UBE2Q2: variants seen among roughly 807,000 people sequenced by gnomAD.
UBE2Q2 encodes the protein ubiquitin-conjugating enzyme E2 Q2.
Under a neutral mutation model 59.9 loss-of-function variants are expected in UBE2Q2, and 54 were observed. That is an observed-to-expected ratio of 0.90 (90% CI 0.72 to 1.13). UBE2Q2 has a LOEUF of 1.13. Among genes scored for constraint, UBE2Q2 ranks in the 50% most tolerant of loss-of-function variants. The probability of loss-of-function intolerance (pLI) is 0.00; values close to 1 mark genes in which losing one functional copy is unlikely to be tolerated. For missense variants in UBE2Q2, 433 were observed against 441.9 expected, an observed-to-expected ratio of 0.98 and a Z score of 0.18; for synonymous variants, 165 against 155.2, an observed-to-expected ratio of 1.06 and a Z score of -0.47.
At position 75,873,515 on chromosome 15, in the gene UBE2Q2, A is replaced by G. The variant is rs747839536; in HGVS notation, c.535A>G (p.Asn179Asp). Residue 179 changes from asparagine to aspartate, a missense_variant, in exon 5 of 13, where the codon AAT becomes GAT. Transcript: ENST00000267938. ...KSEDEGIEKENLAILEKIRKT... is the reference protein window; with the variant it reads ...KSEDEGIEKEDLAILEKIRKT... ...AGAGGATGAAGGAATTGAAAAAGAA[A>G]ATTTGGCAATATTAGAGAAAATTAG... is the stretch of plus-strand genomic sequence containing the variant. The G allele has an allele frequency of 1.2e-6, 2 of 1,613,994 alleles. No homozygotes were observed. Among genetic ancestry groups the G allele is most frequent in the Admixed American group, 3.3e-5 (2 of 60,014 alleles).
chr15:75,852,306 C>T lies in UBE2Q2; in HGVS notation c.181-2080C>T, dbSNP rs138764362. ...ACCGCCTTTATTTGTGCTAAAGTGC[C>T]AGCGTTTTTACCCACCATTGTATCT... On this transcript the variant is annotated intron_variant, in intron 1 of 12. Coordinates refer to ENST00000267938, the MANE Select transcript of UBE2Q2 (RefSeq NM_173469.4). 5.5e-4 allele frequency among the ~76,000 whole-genome samples: 83 copies of T among 152,248 alleles called. 1 individual carries two copies. Among genetic ancestry groups the T allele is most frequent in the African/African-American group, 1.9e-3 (77 of 41,542 alleles).
At chr15:75,854,725 T>G (rs1443651558) in intron 2 of UBE2Q2, among the ~76,000 whole-genome samples, 1 of 152,142 alleles carries the variant, frequency 6.6e-6, no homozygotes, top group Non-Finnish European at 1.5e-5. Flanking sequence ...TTTCCCTGAA[T>G]TCTAACCATT....
rs540271849 is a variant in UBE2Q2, at chr15:75,843,492, C to T, written c.-175C>T. ...AAGCGCCACCCAGGCCGCCACACGC[C>T]GAGGCTTCCGCGCCCCTCGCCATTT... On this transcript the variant is annotated 5_prime_UTR_variant, in exon 1 of 13. Transcript: ENST00000267938. 114 of 302,914 alleles carry T rather than the reference C, an allele frequency of 3.8e-4. 1 individual carries two copies. The highest frequency in any genetic ancestry group is 2.1e-3 in the African/African-American group (93 of 44,858). The allele number at this position is 302,914 out of a possible 1,614,324, so 18.8% of individuals were successfully genotyped here.
At chr15:75,894,594 C>T (rs985407861) in intron 11 of UBE2Q2, among the ~76,000 whole-genome samples, 2 of 151,786 alleles carry the variant, frequency 1.3e-5, no homozygotes, top group Non-Finnish European at 2.9e-5. Context: ...TTAAAAGAAC[C>T]TGAAGGAAAG....
At chr15:75,844,194 CG>C in intron 1 of UBE2Q2, 1 of 1,446,482 alleles carries the variant, frequency 6.9e-7, no homozygotes. Context: ...GGGACCGGGG[CG>C]GGGCGGGGCG....
intron 9 of UBE2Q2, among the ~76,000 whole-genome samples, chr15:75,884,821 G>A (rs1014635064): frequency 6.6e-6 from 1 of 151,876 alleles, no homozygotes; most frequent in African/African-American, 2.4e-5. Flanking sequence ...GCTAATTTTT[G>A]TATTTTTGGT....
At chr15:75,865,201 A>G (rs900014699) in intron 3 of UBE2Q2, among the ~76,000 whole-genome samples, 9 of 152,180 alleles carry the variant, frequency 5.9e-5, no homozygotes, top group Non-Finnish European at 1.2e-4. Flanking sequence ...ATCTTTCCTT[A>G]CATTTCTCTA....
At chr15:75,844,392 C>T in intron 1 of UBE2Q2, 1 of 1,551,432 alleles carries the variant, frequency 6.4e-7, no homozygotes, top group Non-Finnish European at 8.7e-7. Context: ...AGTTGGAATG[C>T]AGACTCTGGT....
chr15:75,874,441 A>G (rs182852078), intron 5 of UBE2Q2, among the ~76,000 whole-genome samples: 29 of 151,952 alleles, frequency 1.9e-4, no homozygotes, highest in African/African-American at 6.5e-4. Context: ...ACACCACCAC[A>G]CCTGGCTAAT....
At chr15:75,874,606 TG>T (rs1567031496) in intron 5 of UBE2Q2, among the ~76,000 whole-genome samples, 1 of 152,102 alleles carries the variant, frequency 6.6e-6, no homozygotes. Flanking sequence ...CTCTTTTACG[TG>T]AAGCAGCAGG....
At chr15:75,853,634 A>C (rs981852705) in intron 1 of UBE2Q2, among the ~76,000 whole-genome samples, 3 of 152,140 alleles carry the variant, frequency 2.0e-5, no homozygotes, top group Non-Finnish European at 2.9e-5. Context: ...GCTCTGTAAC[A>C]AATTTATCAG....
At chr15:75,876,083 A>AAAG in intron 5 of UBE2Q2, 104 bp from the exon 6 acceptor site, 2 of 1,130,678 alleles carry the variant, frequency 1.8e-6, no homozygotes, top group Non-Finnish European at 1.3e-6. Flanking sequence ...AAAAAAAAAA[A>AAAG]TGTTGAGTGG....
At chr15:75,897,598 C>CTT (rs759708761) in intron 12 of UBE2Q2, among the ~76,000 whole-genome samples, 40 of 135,610 alleles carry the variant, frequency 2.9e-4, no homozygotes, top group African/African-American at 9.9e-4. Context: ...ATCAAGATTT[C>CTT]TTTTTTTTTT....
intron 2 of UBE2Q2, 67 bp from the exon 3 acceptor site, chr15:75,859,811 A>G: frequency 8.7e-7 from 1 of 1,155,080 alleles, no homozygotes; most frequent in South Asian, 1.6e-5. Context: ...TACAGTAGTC[A>G]TAACATTATT....
chr15:75,877,697 T>A (rs1428909052), intron 6 of UBE2Q2, among the ~76,000 whole-genome samples: 1 of 152,234 alleles, frequency 6.6e-6, no homozygotes, highest in Non-Finnish European at 1.5e-5. Context: ...CATATGATTT[T>A]GCATAATCTT....
At chr15:75,890,761 G>A (rs1899053774) in intron 10 of UBE2Q2, among the ~76,000 whole-genome samples, 158 bp from the exon 11 acceptor site, 2 of 151,408 alleles carry the variant, frequency 1.3e-5, no homozygotes, top group South Asian at 4.2e-4. Flanking sequence ...GTTTTTTTTT[G>A]TGAGATTCTG....
intron 3 of UBE2Q2, among the ~76,000 whole-genome samples, chr15:75,865,709 T>C (rs765482320): frequency 6.6e-6 from 1 of 152,212 alleles, no homozygotes; most frequent in Non-Finnish European, 1.5e-5. Flanking sequence ...GACTTCACTA[T>C]TGGTGTTACT....
At chr15:75,854,641 C>T (rs781705136) in intron 2 of UBE2Q2, among the ~76,000 whole-genome samples, 154 bp downstream of exon 2, 6 of 151,518 alleles carry the variant, frequency 4.0e-5, no homozygotes, top group African/African-American at 7.3e-5. Context: ...CCTTCAAATT[C>T]TATTTACTAC....
chr15:75,857,292 A>G (rs1047144851), intron 2 of UBE2Q2, among the ~76,000 whole-genome samples: 2 of 152,232 alleles, frequency 1.3e-5, no homozygotes, highest in Non-Finnish European at 2.9e-5. Context: ...CTGAAGATCT[A>G]AAGATAACGG....
Sources: gnomAD v4.1 joint callset for allele counts (sites outside exome capture counted in the v4.1 genomes callset) on GRCh38, gnomAD v4.1.1 for gene constraint, MANE v1.5 for transcripts, NCBI Gene and HGNC (gene_info 2026-07-23, HGNC 2026-07-21) for gene names.